The following STON2 variants were observed in gnomAD, a reference collection of about 807,000 sequenced individuals.
The protein encoded by STON2 is stonin 2, also known as stonin-2.
Under a neutral mutation model 65.7 loss-of-function variants are expected in STON2, and 29 were observed. The ratio of observed to expected loss-of-function variants is 0.44; its 90% CI spans 0.33 to 0.60. The LOEUF (loss-of-function observed/expected upper bound fraction) is 0.60, where lower values mean the gene tolerates loss of function less well. Ranked by LOEUF, STON2 falls within the 20% of genes least tolerant of loss-of-function variation. STON2 has a pLI of 0.03. For missense variants in STON2, 1,054 were observed against 1,118.1 expected (o/e 0.94, Z 0.82); for synonymous variants, 404 against 414.2 (o/e 0.98, Z 0.30).
chr14:81,268,092 A>C lies in STON2; in HGVS notation c.*322T>G, dbSNP rs193185220. 4.6e-4 allele frequency: 471 copies of C among 1,014,242 alleles called. 2 individuals are homozygous for C. The African/African-American group carries it at 7.6e-3, about 16-fold the overall frequency. The allele number at this position is 1,014,242 out of a possible 1,614,324, so 62.8% of individuals were successfully genotyped here. On this transcript the variant is annotated 3_prime_UTR_variant, in exon 8 of 8. Coordinates refer to ENST00000614646, the MANE Select transcript of STON2 (RefSeq NM_001394390.1). ...TTCTTTTCCTGACTGTAACAGTCAC[A>C]ACAAACCACATACCAGTGCTGTGAG... is the stretch of plus-strand genomic sequence containing the variant.
intron 3 of STON2, among the ~76,000 whole-genome samples, chr14:81,373,999 CTTTT>C (rs57877137): frequency 6.6e-5 from 4 of 60,470 alleles, no homozygotes; most frequent in African/African-American, 3.3e-4. Flanking sequence ...ATAATAATGC[CTTTT>C]TTTTTTTTTT....
At chr14:81,343,065 T>C (rs1215433707) in intron 4 of STON2, among the ~76,000 whole-genome samples, 2 of 152,142 alleles carry the variant, frequency 1.3e-5, no homozygotes, top group Non-Finnish European at 2.9e-5. Context: ...CTTCTTTCCT[T>C]AGATACCAGT....
chr14:81,276,521 G>A (rs920175799), intron 6 of STON2, among the ~76,000 whole-genome samples: 9 of 152,168 alleles, frequency 5.9e-5, no homozygotes, highest in African/African-American at 2.2e-4. Flanking sequence ...TACATCGAGG[G>A]CAGTGTGAGA....
At chr14:81,387,590 TA>T (rs1191924422) in intron 3 of STON2, among the ~76,000 whole-genome samples, 1 of 152,160 alleles carries the variant, frequency 6.6e-6, no homozygotes, top group Non-Finnish European at 1.5e-5. Flanking sequence ...TATATGGTTA[TA>T]CAAAGGCTTT....
chr14:81,269,681 A>G (rs1894495065), intron 7 of STON2: 1 of 985,272 alleles, frequency 1.0e-6, no homozygotes, highest in Non-Finnish European at 1.2e-6. Flanking sequence ...TAGAGGAACA[A>G]TAAATCACCA....
chr14:81,272,079 G>A (rs557740090), intron 6 of STON2, among the ~76,000 whole-genome samples: 37 of 152,204 alleles, frequency 2.4e-4, no homozygotes, highest in Non-Finnish European at 4.0e-4. Context: ...AAAATTAGCC[G>A]GGCGTGGTGG....
intron 3 of STON2, among the ~76,000 whole-genome samples, chr14:81,392,570 A>C (rs1195812547): frequency 6.6e-6 from 1 of 152,176 alleles, no homozygotes; most frequent in Non-Finnish European, 1.5e-5. Context: ...TGAAAGTGTT[A>C]ATTGAATCTT....
intron 5 of STON2, among the ~76,000 whole-genome samples, chr14:81,288,020 G>C (rs1290443776): frequency 6.6e-6 from 1 of 152,204 alleles, no homozygotes; most frequent in African/African-American, 2.4e-5. Flanking sequence ...GGCAGGGATA[G>C]ATTCTGGCAT....
chr14:81,365,944 G>A (rs1165477123), intron 4 of STON2, among the ~76,000 whole-genome samples: 1 of 152,172 alleles, frequency 6.6e-6, no homozygotes, highest in Non-Finnish European at 1.5e-5. Context: ...TGGCATTACA[G>A]AGCTACCCTG....
chr14:81,396,458 T>C (rs755963248), intron 2 of STON2, among the ~76,000 whole-genome samples: 54 of 152,200 alleles, frequency 3.5e-4, no homozygotes, highest in Non-Finnish European at 6.6e-4. Flanking sequence ...ACTCCAGTGC[T>C]TGGGGGTCAC....
intron 4 of STON2, among the ~76,000 whole-genome samples, chr14:81,325,166 T>C (rs1896961704): frequency 6.6e-6 from 1 of 152,218 alleles, no homozygotes; most frequent in African/African-American, 2.4e-5. Context: ...GCAGCTGACC[T>C]AAGGCTAGAT....
At chr14:81,269,761 C>T (rs771455430) in intron 7 of STON2, 2 of 985,314 alleles carry the variant, frequency 2.0e-6, no homozygotes, top group Non-Finnish European at 2.4e-6. Flanking sequence ...AACTCCTTTT[C>T]CAATCGTTGG....
At chr14:81,426,461 A>G (rs934888325) in intron 2 of STON2, among the ~76,000 whole-genome samples, 1 of 152,246 alleles carries the variant, frequency 6.6e-6, no homozygotes, top group East Asian at 1.9e-4. Context: ...TTCCATCTAT[A>G]AGCTAGGGAC....
chr14:81,357,124 G>C (rs1307685666), intron 4 of STON2, among the ~76,000 whole-genome samples: 1 of 151,712 alleles, frequency 6.6e-6, no homozygotes, highest in Non-Finnish European at 1.5e-5. Flanking sequence ...CCCACAAAAT[G>C]GGAGAAAATT....
chr14:81,358,144 A>T lies in STON2; in HGVS notation c.571+12844T>A, dbSNP rs183261634. Reference sequence around the variant, plus strand: ...TAAATGTACTATAATGATGATGTGTAAGGCAATTTTATCCCTAGCATTAAG... The same window carrying T: ...TAAATGTACTATAATGATGATGTGTTAGGCAATTTTATCCCTAGCATTAAG... On this transcript the variant is annotated intron_variant, in intron 4 of 7. Coordinates refer to ENST00000614646, the MANE Select transcript of STON2 (RefSeq NM_001394390.1). Among the ~76,000 whole-genome samples the T allele has an allele frequency of 1.1e-3, 160 of 152,304 alleles. 1 individual carries two copies. The highest frequency in any genetic ancestry group is 3.7e-3 in the African/African-American group (153 of 41,576).
chr14:81,307,076 G>A (rs532998993), intron 5 of STON2, among the ~76,000 whole-genome samples: 1 of 152,354 alleles, frequency 6.6e-6, no homozygotes, highest in Non-Finnish European at 1.5e-5. Flanking sequence ...CTGGAAGGAT[G>A]TTTGGGGAAT....
At chr14:81,367,125 A>G (rs1467731896) in intron 4 of STON2, among the ~76,000 whole-genome samples, 1 of 152,132 alleles carries the variant, frequency 6.6e-6, no homozygotes, top group Non-Finnish European at 1.5e-5. Context: ...AGGGCTTTCC[A>G]ATGTGTACAG....
At chr14:81,394,465 T>C (rs2140432905) in intron 3 of STON2, among the ~76,000 whole-genome samples, 1 of 152,176 alleles carries the variant, frequency 6.6e-6, no homozygotes, top group Middle Eastern at 3.4e-3. Context: ...CCCCAAGATG[T>C]CCACATCTTG....
intron 2 of STON2, among the ~76,000 whole-genome samples, chr14:81,422,305 T>G (rs1901744421): frequency 6.6e-6 from 1 of 152,176 alleles, no homozygotes; most frequent in African/African-American, 2.4e-5. Context: ...TTTCTCTTGT[T>G]TCTGCTGTCT....
Sources: gnomAD v4.1 joint callset for allele counts (sites outside exome capture counted in the v4.1 genomes callset) on GRCh38, gnomAD v4.1.1 for gene constraint, MANE v1.5 for transcripts, NCBI Gene and HGNC (gene_info 2026-07-23, HGNC 2026-07-21) for gene names.